Variants in DST observed in about 807,000 individuals in gnomAD.
DST encodes the protein bullous pemphigoid antigen.
A neutral mutation model predicts 875.2 loss-of-function variants in DST; 253 were observed. That is an observed-to-expected ratio of 0.29 (90% CI 0.26 to 0.32). The LOEUF (loss-of-function observed/expected upper bound fraction) is 0.32. Ranked by LOEUF, DST falls within the 10% of genes least tolerant of loss-of-function variation. The pLI, the probability that DST is intolerant of heterozygous loss-of-function variation, is 1.00. For synonymous variants in DST, 3,124 were observed against 3,197.1 expected, an observed-to-expected ratio of 0.98 and a Z score of 0.77; for missense variants, 8,287 against 9,111.6, an observed-to-expected ratio of 0.91 and a Z score of 3.68.
At chr6:56,899,893 A>G (rs1044936441) in intron 3 of DST, among the ~76,000 whole-genome samples, 40 of 152,202 alleles carry the variant, frequency 2.6e-4, no homozygotes, top group African/African-American at 8.4e-4. Context: ...CTGCCTTATA[A>G]CAATATAAAG....
chr6:56,815,422 A>G (rs1561980692), intron 4 of DST, among the ~76,000 whole-genome samples: 1 of 152,132 alleles, frequency 6.6e-6, no homozygotes, highest in Non-Finnish European at 1.5e-5. Context: ...GCTTTAGTAT[A>G]TCATATCTAC....
chr6:56,674,479 T>C (rs2099118268), intron 9 of DST, among the ~76,000 whole-genome samples: 1 of 152,132 alleles, frequency 6.6e-6, no homozygotes, highest in Non-Finnish European at 1.5e-5. Flanking sequence ...GTATTTTTAG[T>C]GGAGACAGGG....
chr6:56,750,696 GAAGA>G (rs1192633306), intron 4 of DST, among the ~76,000 whole-genome samples: 2 of 152,150 alleles, frequency 1.3e-5, no homozygotes, highest in Admixed American at 1.3e-4. Context: ...GGCTAGTAAA[GAAGA>G]AAGAATGAAT....
At chr6:56,622,123 C>T (rs1048805211) in intron 36 of DST, among the ~76,000 whole-genome samples, 38 of 152,292 alleles carry the variant, frequency 2.5e-4, no homozygotes, top group African/African-American at 9.1e-4. Flanking sequence ...ATTTCTAAGA[C>T]AGTCTCAGTT....
At position 56,764,598 on chromosome 6, in the gene DST, A is replaced by G. The variant is rs558069751; in HGVS notation, c.626-29309T>C. ...AAACACACTGCCTAGCTGACAGAAG[A>G]CATTCAAATATTTATGGGAAGAAAG... On this transcript the variant is annotated intron_variant, in intron 4 of 103. Transcript: ENST00000680361. 6.6e-5 allele frequency among the ~76,000 whole-genome samples: 10 copies of G among 152,318 alleles called. No homozygotes were observed. The South Asian group carries it at 1.9e-3, about 28-fold the overall frequency.
chr6:56,679,693 G>A (rs1364932447), intron 9 of DST, among the ~76,000 whole-genome samples: 1 of 151,604 alleles, frequency 6.6e-6, no homozygotes, highest in African/African-American at 2.4e-5. Flanking sequence ...GATCACCTGG[G>A]CCCAGGAGGT....
At chr6:56,632,091 G>A in intron 28 of DST, 51 bp from the exon 29 acceptor site, 2 of 1,458,242 alleles carry the variant, frequency 1.4e-6, no homozygotes, top group Non-Finnish European at 1.9e-6. Context: ...TCTCTTAGAA[G>A]CTTCTGTTTA....
At chr6:56,707,308 A>T (rs2099345007) in intron 5 of DST, among the ~76,000 whole-genome samples, 1 of 152,256 alleles carries the variant, frequency 6.6e-6, no homozygotes, top group South Asian at 2.1e-4. Context: ...TGTGAATGTC[A>T]TGTACATTCT....
intron 4 of DST, among the ~76,000 whole-genome samples, chr6:56,840,204 A>G (rs2099798323): frequency 6.6e-6 from 1 of 152,218 alleles, no homozygotes; most frequent in Non-Finnish European, 1.5e-5. Flanking sequence ...GAATTTCATA[A>G]GATGAGAACT....
chr6:56,920,650 C>A (rs548531359), intron 2 of DST, among the ~76,000 whole-genome samples: 1 of 151,352 alleles, frequency 6.6e-6, no homozygotes, highest in African/African-American at 2.4e-5. Flanking sequence ...TATAGAAAGA[C>A]AAGAGTTCCA....
intron 4 of DST, among the ~76,000 whole-genome samples, chr6:56,847,176 C>T (rs2099808084): frequency 6.6e-6 from 1 of 151,854 alleles, no homozygotes. Context: ...TTTAATAAGC[C>T]AAGCATGGTG....
At chr6:56,803,341 TC>T (rs2099749465) in intron 4 of DST, among the ~76,000 whole-genome samples, 1 of 152,250 alleles carries the variant, frequency 6.6e-6, no homozygotes, top group Non-Finnish European at 1.5e-5. Flanking sequence ...TGCTTAGTTT[TC>T]CATCGGCGTT....
chr6:56,482,866 T>C lies in DST; in HGVS notation c.21219A>G (p.Lys7073=). The change falls in exon 89 of 104, where the codon AAA becomes AAG. Residue 7073 remains lysine (K), a synonymous_variant. Transcript: ENST00000680361. ...CACTGCTGGTCCTCTTCCCCAACTCTTTTTGGAAGGCCTAAGAAGACCATA... is the reference window on the plus strand; with the variant it reads ...CACTGCTGGTCCTCTTCCCCAACTCCTTTTGGAAGGCCTAAGAAGACCATA... The part of the protein sequence containing the change: ...NLIDNHKAFQ[K]ELGKRTSSVQ... The C allele has an allele frequency of 6.4e-7, 1 of 1,550,626 alleles. No homozygotes were observed. Among genetic ancestry groups the C allele is most frequent in the South Asian group, 1.2e-5 (1 of 80,340 alleles).
chr6:56,805,146 A>C (rs534815845), intron 4 of DST, among the ~76,000 whole-genome samples: 2 of 152,152 alleles, frequency 1.3e-5, no homozygotes, highest in South Asian at 4.1e-4. Flanking sequence ...TTCATAAATC[A>C]TGTGCATCAT....
rs11757833 is a variant in DST, at chr6:56,516,805, G to C, written c.18357+393C>G. Among the ~76,000 whole-genome samples, 425 of 152,216 alleles carry C rather than the reference G, an allele frequency of 2.8e-3. 3 individuals carry two copies. The highest frequency in any genetic ancestry group is 3.8e-3 in the Admixed American group (58 of 15,282). On this transcript the variant is annotated intron_variant, in intron 71 of 103. Transcript: ENST00000680361. ...ACAAAATGGATTTCAGCATTAGAGA[G>C]AGCCACATATTTTGGTTTTTATTAA...
intron 9 of DST, among the ~76,000 whole-genome samples, chr6:56,677,790 G>A (rs955053292): frequency 6.6e-6 from 1 of 152,146 alleles, no homozygotes; most frequent in Non-Finnish European, 1.5e-5. Flanking sequence ...TCCTGTCACT[G>A]AGCCTCTCCT....
chr6:56,568,611 C>T lies in DST; in HGVS notation c.13879-16G>A, dbSNP rs761443299. The T allele has an allele frequency of 1.9e-6, 3 of 1,570,736 alleles. No homozygotes were observed. The highest frequency in any genetic ancestry group is 8.7e-7 in the Non-Finnish European group (1 of 1,155,788). On this transcript the variant is annotated splice_polypyrimidine_tract_variant and intron_variant, in intron 54 of 103. Transcript: ENST00000680361. Reference sequence around the variant, plus strand: ...CTTGTAATTTCTTGAGATATAAAAACACATTATTTTTCCATCTTAATATTT... The same window carrying T: ...CTTGTAATTTCTTGAGATATAAAAATACATTATTTTTCCATCTTAATATTT...
At chr6:56,912,550 G>A (rs941807003) in intron 2 of DST, among the ~76,000 whole-genome samples, 4 of 152,144 alleles carry the variant, frequency 2.6e-5, no homozygotes, top group Non-Finnish European at 4.4e-5. Flanking sequence ...GGTGATGGCT[G>A]ACTATAACTA....
intron 5 of DST, among the ~76,000 whole-genome samples, chr6:56,728,180 G>A (rs1320227434): frequency 6.6e-6 from 1 of 152,168 alleles, no homozygotes; most frequent in Non-Finnish European, 1.5e-5. Context: ...AATTTGAAAA[G>A]ATAGTTCACA....
Sources: gnomAD v4.1 joint callset for allele counts (sites outside exome capture counted in the v4.1 genomes callset) on GRCh38, gnomAD v4.1.1 for gene constraint, MANE v1.5 for transcripts, NCBI Gene and HGNC (gene_info 2026-07-23, HGNC 2026-07-21) for gene names.